Variants in MKLN1 observed in about 807,000 individuals in gnomAD.
MKLN1 encodes muskelin.
Under a neutral mutation model 99.0 loss-of-function variants are expected in MKLN1, and 18 were observed. That is an observed-to-expected ratio of 0.18 (90% confidence interval 0.13 to 0.27). MKLN1 has a LOEUF of 0.27. Ranked by LOEUF, MKLN1 falls within the 10% of genes least tolerant of loss-of-function variation. The probability of loss-of-function intolerance (pLI) is 1.00; values close to 1 mark genes in which losing one functional copy is unlikely to be tolerated. For synonymous variants in MKLN1, 288 were observed against 293.2 expected, an observed-to-expected ratio of 0.98 and a Z score of 0.18; for missense variants, 621 against 875.9, an observed-to-expected ratio of 0.71 and a Z score of 3.67.
chr7:131,279,029 G>A (rs945135264), intron 3 of MKLN1, among the ~76,000 whole-genome samples: 3 of 152,198 alleles, frequency 2.0e-5, no homozygotes, highest in Non-Finnish European at 4.4e-5. Flanking sequence ...GAAACTTGGA[G>A]GTTAGCCACC....
At chr7:131,372,625 C>T (rs893757832) in intron 1 of MKLN1, among the ~76,000 whole-genome samples, 1 of 151,480 alleles carries the variant, frequency 6.6e-6, no homozygotes, top group Non-Finnish European at 1.5e-5. Context: ...GTATTCTGTA[C>T]AGACATGTTA....
At chr7:131,459,301 C>T (rs1054942434) in intron 12 of MKLN1, among the ~76,000 whole-genome samples, 2 of 152,070 alleles carry the variant, frequency 1.3e-5, no homozygotes, top group African/African-American at 2.4e-5. Flanking sequence ...TTCTTTATGG[C>T]GAGCTCCTAG....
At chr7:131,238,268 A>T (rs116418506) in intron 3 of MKLN1, among the ~76,000 whole-genome samples, 214 of 152,352 alleles carry the variant, frequency 1.4e-3, no homozygotes, top group African/African-American at 4.9e-3. Flanking sequence ...AGCTTCATAT[A>T]AGTAATGTTC....
chr7:131,173,837 AC>A (rs1796251172), intron 2 of MKLN1, among the ~76,000 whole-genome samples: 2 of 152,338 alleles, frequency 1.3e-5, no homozygotes, highest in Admixed American at 6.5e-5. Context: ...AATTAAAAAA[AC>A]AAATCAAAAC....
intron 3 of MKLN1, among the ~76,000 whole-genome samples, chr7:131,274,586 G>A (rs543090287): frequency 4.0e-4 from 59 of 148,198 alleles, no homozygotes; most frequent in Admixed American, 8.9e-4. Context: ...CAAGGCTGCA[G>A]TGAACCATGA....
chr7:131,227,495 C>CTCTCTCTT (rs1554539894), intron 3 of MKLN1, among the ~76,000 whole-genome samples: 1 of 115,710 alleles, frequency 8.6e-6, no homozygotes, highest in African/African-American at 3.4e-5. Flanking sequence ...CTCTTTCTTT[C>CTCTCTCTT]TCTTTCTTTC....
At chr7:131,170,992 A>G (rs576196777) in intron 2 of MKLN1, among the ~76,000 whole-genome samples, 44 of 152,356 alleles carry the variant, frequency 2.9e-4, no homozygotes, top group African/African-American at 9.6e-4. Context: ...TAAATGCTGC[A>G]AAAGATCAAG....
At chr7:131,198,819 C>T (rs372103201) in intron 2 of MKLN1, among the ~76,000 whole-genome samples, 35 of 152,194 alleles carry the variant, frequency 2.3e-4, no homozygotes, top group East Asian at 1.5e-3. Context: ...CCTTATGTCC[C>T]GTCACCTAAA....
At chr7:131,349,088 G>T (rs1181069236) in intron 1 of MKLN1, among the ~76,000 whole-genome samples, 1 of 152,076 alleles carries the variant, frequency 6.6e-6, no homozygotes, top group African/African-American at 2.4e-5. Flanking sequence ...GCCCAACAAA[G>T]ATATTTTAAG....
chr7:131,367,777 A>G (rs546755180), intron 1 of MKLN1, among the ~76,000 whole-genome samples: 1 of 152,294 alleles, frequency 6.6e-6, no homozygotes, highest in Admixed American at 6.5e-5. Context: ...CTCCTGTCAC[A>G]GGAGATAGCC....
Position 131,375,472 on chromosome 7 carries a change from A to G in MKLN1, c.147A>G (p.Ser49=). 6.2e-7 allele frequency: 1 copy of G among 1,609,862 alleles called. No individual in the cohort carries two copies. The highest frequency in any genetic ancestry group is 8.5e-7 in the Non-Finnish European group (1 of 1,176,316). ...KPNDQSSRWS[S]ESNYPPQYLI... ...ATGACCAATCTTCAAGATGGTCTTC[A>G]GAGAGCAACTATCCTCCCCAGGTAA... Residue 49 remains serine (S), a synonymous_variant, in exon 2 of 18, where the codon TCA becomes TCG. Coordinates refer to ENST00000352689, the MANE Select transcript of MKLN1 (RefSeq NM_013255.5).
intron 5 of MKLN1, 30 bp from the exon 6 acceptor site, chr7:131,399,209 CTT>C (rs1794454387): frequency 6.3e-7 from 1 of 1,588,976 alleles, no homozygotes; most frequent in African/African-American, 1.3e-5. Flanking sequence ...AACCAAATCT[CTT>C]CTTTCCATAC....
At chr7:131,480,456 G>A (rs967443383) in intron 17 of MKLN1, among the ~76,000 whole-genome samples, 3 of 152,100 alleles carry the variant, frequency 2.0e-5, no homozygotes, top group Non-Finnish European at 2.9e-5. Context: ...TGTTCTTGAG[G>A]TCTTGCCCTT....
At chr7:131,411,270 A>C (rs1236116126) in intron 6 of MKLN1, 36 bp from the exon 7 acceptor site, 3 of 1,263,454 alleles carry the variant, frequency 2.4e-6, no homozygotes, top group African/African-American at 1.5e-5. Flanking sequence ...GTAAGTAGTT[A>C]AGGTGTAATT....
At chr7:131,187,609 A>G (rs536924552) in intron 2 of MKLN1, among the ~76,000 whole-genome samples, 4 of 152,206 alleles carry the variant, frequency 2.6e-5, no homozygotes, top group Non-Finnish European at 4.4e-5. Context: ...TAAAATATTT[A>G]CTGGCTGGCC....
chr7:131,233,707 G>C (rs1385278453), intron 3 of MKLN1, among the ~76,000 whole-genome samples: 1 of 151,868 alleles, frequency 6.6e-6, no homozygotes, highest in African/African-American at 2.4e-5. Flanking sequence ...CAAATAATAT[G>C]AATGTACTAA....
upstream of MKLN1, among the ~76,000 whole-genome samples, chr7:131,325,901 G>T (rs3807140): frequency 1.6e-3 from 189 of 115,040 alleles, 2 homozygotes; most frequent in Non-Finnish European, 2.9e-3. Flanking sequence ...GGAGAAAAGT[G>T]GGGGGGGGGT....
At chr7:131,117,913 G>A (rs899359105) in intron 1 of MKLN1, among the ~76,000 whole-genome samples, 2 of 152,196 alleles carry the variant, frequency 1.3e-5, no homozygotes. Flanking sequence ...GAATAGAGGT[G>A]TCAAGACCAT....
chr7:131,471,982 AG>A (rs1449743921), intron 16 of MKLN1: 3 of 152,240 alleles, frequency 2.0e-5, no homozygotes, highest in African/African-American at 7.2e-5. Flanking sequence ...GCCCTTCAGT[AG>A]GTAGAGAATC....
Sources: allele counts gnomAD v4.1 joint callset (sites outside exome capture counted in the v4.1 genomes callset), GRCh38; gene constraint gnomAD v4.1.1; transcripts MANE v1.5; gene names NCBI Gene and HGNC (gene_info 2026-07-23, HGNC 2026-07-21).